Variants in LARP4 observed in about 807,000 individuals in gnomAD.
LARP4 encodes the protein la-related protein 4.
LARP4 carries 29 observed loss-of-function variants against 92.9 expected under a neutral mutation model. The ratio of observed to expected loss-of-function variants is 0.31; its 90% CI spans 0.23 to 0.43. The LOEUF (loss-of-function observed/expected upper bound fraction) is 0.43, where lower values mean the gene tolerates loss of function less well. Among genes scored for constraint, LARP4 ranks in the 20% least tolerant of loss-of-function variants. LARP4 has a pLI of 1.00. For missense variants in LARP4, 732 were observed against 860.0 expected (o/e 0.85, Z 1.86); for synonymous variants, 279 against 284.1 (o/e 0.98, Z 0.18).
chr12:50,471,851 C>G (rs958723393), intron 13 of LARP4, among the ~76,000 whole-genome samples: 10 of 152,164 alleles, frequency 6.6e-5, no homozygotes, highest in African/African-American at 2.4e-4. Context: ...GAAACAGACT[C>G]ATATATTTTT....
At chr12:50,452,010 T>C (rs1301706625) in intron 8 of LARP4, among the ~76,000 whole-genome samples, 1 of 151,848 alleles carries the variant, frequency 6.6e-6, no homozygotes, top group Admixed American at 6.6e-5. Context: ...CTCAAAAAAA[T>C]AAATAAATAA....
Position 50,477,420 on chromosome 12 carries a change from G to C in LARP4, c.*1556G>C, listed in dbSNP as rs549847276. On this transcript the variant is annotated 3_prime_UTR_variant, in exon 16 of 16. Transcript: ENST00000398473. ...TCCCATATGTTAGTAAATTACATATGTACAAATTGAAACTGTAAATTGTGA... is the reference window on the plus strand; with the variant it reads ...TCCCATATGTTAGTAAATTACATATCTACAAATTGAAACTGTAAATTGTGA... The C allele has an allele frequency of 6.6e-6, 1 of 152,604 alleles. No homozygotes were observed. The highest frequency in any genetic ancestry group is 2.1e-4 in the South Asian group (1 of 4,826). 9.5% of individuals were successfully genotyped at this position (152,604 alleles called of 1,614,324 possible). A position where few individuals can be genotyped will look rare whatever the true frequency, so the allele number is the denominator to read the frequency against.
In LARP4 at chr12:50,461,454, A is replaced by G. The variant is rs1333887789; in HGVS notation, c.1334+107A>G. On this transcript the variant is annotated intron_variant, in intron 11 of 15. Coordinates refer to ENST00000398473, the MANE Select transcript of LARP4 (RefSeq NM_052879.5). ...TAAATGAGCATTTAATTATTGGTAT[A>G]TGGTTATATTAAATAAATACGTTAT... is the stretch of plus-strand genomic sequence containing the variant. 5 of 1,079,274 alleles carry G rather than the reference A, an allele frequency of 4.6e-6. No homozygotes were observed. In the East Asian group the frequency reaches 1.3e-4, roughly 28 times the overall value. The allele number at this position is 1,079,274 out of a possible 1,614,324, so 66.9% of individuals were successfully genotyped here. A position where few individuals can be genotyped will look rare whatever the true frequency, so the allele number is the denominator to read the frequency against.
intron 6 of LARP4, among the ~76,000 whole-genome samples, chr12:50,439,913 T>C (rs780700456): frequency 1.3e-5 from 2 of 152,214 alleles, no homozygotes; most frequent in East Asian, 1.9e-4. Flanking sequence ...AGAGAAGATA[T>C]GTTTGCACAT....
chr12:50,462,380 T>C (rs1955524897), intron 11 of LARP4, among the ~76,000 whole-genome samples: 1 of 151,108 alleles, frequency 6.6e-6, no homozygotes, highest in African/African-American at 2.4e-5. Flanking sequence ...CTCAGCAGGC[T>C]GAGGCAGGAG....
intron 8 of LARP4, 39 bp downstream of exon 8, chr12:50,441,682 T>G: frequency 1.1e-4 from 164 of 1,429,086 alleles, no homozygotes; most frequent in Non-Finnish European, 1.4e-4. Flanking sequence ...GAACAGGTTT[T>G]GGTTCTCTGT....
chr12:50,454,575 T>C, intron 10 of LARP4, 158 bp downstream of exon 10: 1 of 480,730 alleles, frequency 2.1e-6, no homozygotes, highest in African/African-American at 2.0e-5. Flanking sequence ...TAATCTAGAA[T>C]TCGTAAAAAC....
chr12:50,456,888 A>C (rs183859473), intron 10 of LARP4, among the ~76,000 whole-genome samples: 17 of 151,290 alleles, frequency 1.1e-4, no homozygotes, highest in Non-Finnish European at 1.8e-4. Flanking sequence ...CTATCATATC[A>C]GTTCATTTTC....
chr12:50,448,454 C>G (rs1003314783), intron 8 of LARP4, among the ~76,000 whole-genome samples: 5 of 152,186 alleles, frequency 3.3e-5, no homozygotes, highest in African/African-American at 1.2e-4. Context: ...CCCCAGTCAT[C>G]TTGAAGCAAA....
intron 12 of LARP4, among the ~76,000 whole-genome samples, chr12:50,466,187 G>A (rs1184720214): frequency 6.6e-6 from 1 of 152,178 alleles, no homozygotes; most frequent in Non-Finnish European, 1.5e-5. Flanking sequence ...TGACAAAGTG[G>A]AGGAGATACA....
chr12:50,412,950 C>T (rs1000791611), intron 1 of LARP4, among the ~76,000 whole-genome samples: 2 of 152,068 alleles, frequency 1.3e-5, no homozygotes, highest in Non-Finnish European at 1.5e-5. Context: ...ATTGGCTGGG[C>T]GTGGTAGCTC....
chr12:50,443,408 C>A (rs12099511), intron 8 of LARP4, among the ~76,000 whole-genome samples: 15,095 of 151,708 alleles, frequency 0.1, 1,536 homozygotes, highest in East Asian at 0.48. Flanking sequence ...GTAGCTGGGA[C>A]CACAGGTGCA....
chr12:50,407,024 A>G lies in LARP4; in HGVS notation c.18+5996A>G, dbSNP rs565892757. Among the ~76,000 whole-genome samples the G allele has an allele frequency of 8.9e-5, 11 of 123,644 alleles. No individual in the cohort carries two copies. In the South Asian group the frequency reaches 2.0e-3, roughly 22 times the overall value. The allele number at this position is 123,644 out of a possible 152,430, so 81.1% of individuals were successfully genotyped here. ...GCCACCGCGCCCAGCCCATCTTAAC[A>G]GTTTTTTTGTTTGTTTTTTGAGATG... is the stretch of plus-strand genomic sequence containing the variant. On this transcript the variant is annotated intron_variant, in intron 1 of 15. Coordinates refer to ENST00000398473, the MANE Select transcript of LARP4 (RefSeq NM_052879.5).
rs201409653 is a variant in LARP4 at position 50,453,652 on chromosome 12, C to T, written c.997C>T (p.Pro333Ser). ...TCAGTCTTGGTCTCCAAATCCTACA[C>T]CTTACTTTGAAACACCACTGGTAAG... Reference protein sequence around the residue: ...VPQSWSPNPTPYFETPLAPFP... With the variant: ...VPQSWSPNPTSYFETPLAPFP... Residue 333 changes from proline (P) to serine (S), a missense_variant, in exon 9 of 16, where the codon CCT becomes TCT. Pro to Ser is a moderately conservative substitution (Grantham distance 74). Transcript: ENST00000398473. The T allele has an allele frequency of 5.8e-5, 93 of 1,603,794 alleles. No homozygotes were observed. Among genetic ancestry groups the T allele is most frequent in the Non-Finnish European group, 1.5e-5 (18 of 1,172,252 alleles).
At chr12:50,470,786 G>A (rs1010583881) in intron 13 of LARP4, among the ~76,000 whole-genome samples, 3 of 152,022 alleles carry the variant, frequency 2.0e-5, no homozygotes, top group African/African-American at 7.2e-5. Context: ...TCTTAGCAGT[G>A]ACATGTGTAT....
intron 1 of LARP4, among the ~76,000 whole-genome samples, chr12:50,411,631 G>T (rs1338614753): frequency 1.3e-5 from 2 of 151,238 alleles, no homozygotes; most frequent in Non-Finnish European, 2.9e-5. Context: ...GCCCAGCCTA[G>T]GGACCCTAGT....
chr12:50,432,370 T>C (rs998799338), intron 4 of LARP4, among the ~76,000 whole-genome samples: 7 of 152,180 alleles, frequency 4.6e-5, no homozygotes, highest in Non-Finnish European at 1.0e-4. Flanking sequence ...AGGTCAGGGC[T>C]GAGCAACAAT....
At chr12:50,413,083 CGTGGTG>C (rs1005008325) in intron 1 of LARP4, among the ~76,000 whole-genome samples, 1 of 151,870 alleles carries the variant, frequency 6.6e-6, no homozygotes, top group African/African-American at 2.4e-5. Flanking sequence ...ATTAGCCGGA[CGTGGTG>C]GTGGGCGCCT....
At chr12:50,422,411 G>A (rs1227797045) in intron 1 of LARP4, among the ~76,000 whole-genome samples, 1 of 152,052 alleles carries the variant, frequency 6.6e-6, no homozygotes, top group Non-Finnish European at 1.5e-5. Flanking sequence ...GCATTTTCCA[G>A]TTTTCATACA....
Sources: allele counts gnomAD v4.1 joint callset (sites outside exome capture counted in the v4.1 genomes callset), GRCh38; gene constraint gnomAD v4.1.1; transcripts MANE v1.5; gene names NCBI Gene and HGNC (gene_info 2026-07-23, HGNC 2026-07-21).